The following ERBB4 variants were observed in gnomAD, a reference collection of about 807,000 sequenced individuals.
The protein encoded by ERBB4 is erb-b2 receptor tyrosine kinase 4.
Under a neutral mutation model 158.0 loss-of-function variants are expected in ERBB4, and 42 were observed. The observed-to-expected ratio is 0.27, with a 90% CI of 0.21 to 0.34. ERBB4 has a LOEUF of 0.34. Ranked by LOEUF, ERBB4 falls within the 10% of genes least tolerant of loss-of-function variation. The pLI is 1.00. For synonymous variants in ERBB4, 583 were observed against 558.7 expected, an observed-to-expected ratio of 1.04 and a Z score of -0.61; for missense variants, 1,333 against 1,624.1, an observed-to-expected ratio of 0.82 and a Z score of 3.08.
At chr2:211,771,843 G>A (rs1049448515) in intron 4 of ERBB4, among the ~76,000 whole-genome samples, 1 of 152,042 alleles carries the variant, frequency 6.6e-6, no homozygotes, top group African/African-American at 2.4e-5. Context: ...GATAAGCAAC[G>A]GAACTGGCCT....
chr2:212,500,961 A>T (rs1302015625), intron 1 of ERBB4, among the ~76,000 whole-genome samples: 1 of 138,232 alleles, frequency 7.2e-6, no homozygotes, highest in Non-Finnish European at 1.5e-5. Flanking sequence ...GGGTGATTTT[A>T]TTTGAATGAG....
At chr2:212,188,680 C>G (rs775626686) in intron 1 of ERBB4, among the ~76,000 whole-genome samples, 2 of 151,720 alleles carry the variant, frequency 1.3e-5, no homozygotes, top group African/African-American at 2.4e-5. Context: ...TGTCTTTTAC[C>G]TGGAACAAGC....
At chr2:211,428,324 T>C (rs1173350863) in intron 22 of ERBB4, 84 bp downstream of exon 22, 2 of 810,454 alleles carry the variant, frequency 2.5e-6, no homozygotes, top group Non-Finnish European at 4.4e-6. Flanking sequence ...CACAACAAAA[T>C]AATTTAGCTT....
At chr2:212,440,009 C>T (rs746052644) in intron 1 of ERBB4, among the ~76,000 whole-genome samples, 1 of 152,044 alleles carries the variant, frequency 6.6e-6, no homozygotes, top group Non-Finnish European at 1.5e-5. Context: ...GAGTTTGCAA[C>T]TCAAAATCTG....
intron 1 of ERBB4, among the ~76,000 whole-genome samples, chr2:212,137,657 C>T (rs551000992): frequency 6.6e-6 from 1 of 152,176 alleles, no homozygotes; most frequent in Admixed American, 6.5e-5. Flanking sequence ...GTCTTTATAA[C>T]AGAATGATTT....
chr2:212,169,241 C>A (rs1036178096), intron 1 of ERBB4, among the ~76,000 whole-genome samples: 1 of 152,046 alleles, frequency 6.6e-6, no homozygotes, highest in Non-Finnish European at 1.5e-5. Context: ...AATAAAGATA[C>A]ATTCCTCACA....
At chr2:211,792,453 A>G (rs1352115611) in intron 3 of ERBB4, among the ~76,000 whole-genome samples, 2 of 151,878 alleles carry the variant, frequency 1.3e-5, no homozygotes, top group Non-Finnish European at 2.9e-5. Context: ...AAACGCATAT[A>G]ACTGATAATA....
At chr2:212,003,704 C>T (rs1452291350) in intron 2 of ERBB4, among the ~76,000 whole-genome samples, 2 of 152,146 alleles carry the variant, frequency 1.3e-5, no homozygotes, top group African/African-American at 2.4e-5. Flanking sequence ...TAAACATTAA[C>T]TTGAATGATA....
At chr2:211,649,759 C>A (rs1460630578) in intron 16 of ERBB4, among the ~76,000 whole-genome samples, 1 of 151,888 alleles carries the variant, frequency 6.6e-6, no homozygotes, top group Non-Finnish European at 1.5e-5. Flanking sequence ...TGGCTACAAG[C>A]ATTCAGAGTT....
Position 211,380,843 on chromosome 2 carries a change from C to T in ERBB4, c.*2772G>A, listed in dbSNP as rs1351897445. 1 of 231,662 alleles carries T rather than the reference C, an allele frequency of 4.3e-6. No individual in the cohort carries two copies. Among genetic ancestry groups the T allele is most frequent in the Non-Finnish European group, 8.5e-6 (1 of 117,226 alleles). The allele number at this position is 231,662 out of a possible 1,614,324, so 14.4% of individuals were successfully genotyped here. ...CATTCACTAAATACATTTCTGTTAC[C>T]TTAACAGTTAAAAGTTTGTTTTAAC... On this transcript the variant is annotated 3_prime_UTR_variant, in exon 28 of 28. Coordinates refer to ENST00000342788, the MANE Select transcript of ERBB4 (RefSeq NM_005235.3).
chr2:212,275,925 T>C (rs1331188543), intron 1 of ERBB4, among the ~76,000 whole-genome samples: 1 of 151,774 alleles, frequency 6.6e-6, no homozygotes, highest in Admixed American at 6.6e-5. Context: ...GCTGTACTTT[T>C]AATTTTTAGT....
At chr2:211,446,907 T>C (rs2064125083) in intron 20 of ERBB4, among the ~76,000 whole-genome samples, 1 of 152,160 alleles carries the variant, frequency 6.6e-6, no homozygotes, top group South Asian at 2.1e-4. Context: ...TTTTTATCTA[T>C]CATATATTTT....
At chr2:211,487,463 T>A (rs1002884866) in intron 20 of ERBB4, among the ~76,000 whole-genome samples, 41 of 152,116 alleles carry the variant, frequency 2.7e-4, no homozygotes, top group Non-Finnish European at 5.7e-4. Flanking sequence ...TTTAACTGAA[T>A]TAACTATTAA....
At position 212,287,658 on chromosome 2, in the gene ERBB4, T is replaced by C. The variant is rs75380608; in HGVS notation, c.83-162755A>G. Among the ~76,000 whole-genome samples, 446 of 152,134 alleles carry C rather than the reference T, an allele frequency of 2.9e-3. 3 individuals carry two copies. Among genetic ancestry groups the C allele is most frequent in the African/African-American group, 0.01 (428 of 41,510 alleles). On this transcript the variant is annotated intron_variant, in intron 1 of 27. Transcript: ENST00000342788. ...TTTGCAATAAAAACACAACTATGGA[T>C]ATAATATGAAAAAAAATAACTGCTT...
At chr2:212,141,664 C>T (rs570091131) in intron 1 of ERBB4, among the ~76,000 whole-genome samples, 19 of 152,138 alleles carry the variant, frequency 1.2e-4, no homozygotes, top group Non-Finnish European at 2.4e-4. Context: ...ACTATTCTCT[C>T]TTTCCATAAC....
At chr2:211,856,656 GGATTACAGGCGT>G (rs2077873778) in intron 3 of ERBB4, among the ~76,000 whole-genome samples, 1 of 152,056 alleles carries the variant, frequency 6.6e-6, no homozygotes, top group South Asian at 2.1e-4. Flanking sequence ...CAAAGTGCAG[GGATTACAGGCGT>G]GAGCCACTGC....
At chr2:212,368,231 G>C (rs944862303) in intron 1 of ERBB4, among the ~76,000 whole-genome samples, 1 of 152,114 alleles carries the variant, frequency 6.6e-6, no homozygotes, top group Non-Finnish European at 1.5e-5. Flanking sequence ...ACATACAATG[G>C]AATACTACAG....
rs777646136 is a variant in ERBB4, at chr2:211,750,635, T to C, written c.622+4A>G. 6.2e-7 allele frequency: 1 copy of C among 1,613,394 alleles called. No homozygotes were observed. Among genetic ancestry groups the C allele is most frequent in the South Asian group, 1.1e-5 (1 of 91,064 alleles). Reference sequence around the variant, plus strand: ...CCTGTGTGCTCTCACTGATGAACACTTACAAGTCTGGCAATGATTTTCTGT... The same window carrying C: ...CCTGTGTGCTCTCACTGATGAACACCTACAAGTCTGGCAATGATTTTCTGT... On this transcript the variant is annotated splice_donor_region_variant and intron_variant, in intron 5 of 27. Transcript: ENST00000342788.
At chr2:211,918,328 T>G (rs1260642029) in intron 3 of ERBB4, among the ~76,000 whole-genome samples, 1 of 152,188 alleles carries the variant, frequency 6.6e-6, no homozygotes. Context: ...TTTAAAACTT[T>G]TTTTTATGTC....
Sources: gnomAD v4.1 joint callset for allele counts (sites outside exome capture counted in the v4.1 genomes callset) on GRCh38, gnomAD v4.1.1 for gene constraint, MANE v1.5 for transcripts, NCBI Gene and HGNC (gene_info 2026-07-23, HGNC 2026-07-21) for gene names.